Variants in HMCN2 observed in about 807,000 individuals in gnomAD.
The protein encoded by HMCN2 is hemicentin-2.
In HMCN2, 325 loss-of-function variants were observed where a neutral mutation model predicts 377.5. The observed-to-expected ratio is 0.86, with a 90% CI of 0.79 to 0.94. The LOEUF (loss-of-function observed/expected upper bound fraction) is 0.94, where lower values mean the gene tolerates loss of function less well. Ranked by LOEUF, HMCN2 falls within the 40% of genes least tolerant of loss-of-function variation. The probability of loss-of-function intolerance (pLI) is 0.00; values close to 1 mark genes in which losing one functional copy is unlikely to be tolerated. For missense variants in HMCN2, 4,543 were observed against 4,725.3 expected (o/e 0.96, Z 1.13); for synonymous variants, 2,007 against 2,046.8 (o/e 0.98, Z 0.53).
chr9:130,382,029 C>A (rs1028940856), intron 54 of HMCN2, among the ~76,000 whole-genome samples, 155 bp from the exon 55 acceptor site: 2 of 152,116 alleles, frequency 1.3e-5, no homozygotes, highest in Non-Finnish European at 2.9e-5. Flanking sequence ...CCACTCCACC[C>A]GTGAGCTGGG....
At chr9:130,340,105 G>A (rs893090238) in intron 23 of HMCN2, among the ~76,000 whole-genome samples, 3 of 152,234 alleles carry the variant, frequency 2.0e-5, no homozygotes, top group Admixed American at 6.5e-5. Context: ...TGCAAAATGC[G>A]GAGGCATGGA....
At chr9:130,318,943 G>A (rs1837706121) in intron 15 of HMCN2, among the ~76,000 whole-genome samples, 1 of 152,218 alleles carries the variant, frequency 6.6e-6, no homozygotes, top group African/African-American at 2.4e-5. Context: ...AGGGGCTGTG[G>A]AAATGGCAGC....
chr9:130,356,074 C>G lies in HMCN2; in HGVS notation c.5256-14C>G. The G allele has an allele frequency of 7.9e-7, 1 of 1,258,750 alleles. No individual in the cohort carries two copies. Among genetic ancestry groups the G allele is most frequent in the South Asian group, 1.3e-5 (1 of 75,304 alleles). The allele number at this position is 1,258,750 out of a possible 1,614,324, so 78.0% of individuals were successfully genotyped here. On this transcript the variant is annotated splice_polypyrimidine_tract_variant and intron_variant, in intron 33 of 97. Transcript: ENST00000683500. ...GGTCTCAGGTTGACACGCCCCCCTC[C>G]CTACTCACCTTAGGTGGCTGCAGAA...
At chr9:130,321,353 G>GTTC (rs1379081437) in intron 18 of HMCN2, among the ~76,000 whole-genome samples, 11 of 152,322 alleles carry the variant, frequency 7.2e-5, no homozygotes, top group African/African-American at 2.6e-4. Flanking sequence ...TTTTCTTGGT[G>GTTC]TTCTTCTGTT....
At chr9:130,424,152 C>CATAT (rs34210773) in intron 87 of HMCN2, among the ~76,000 whole-genome samples, 7 of 135,812 alleles carry the variant, frequency 5.2e-5, no homozygotes, top group Non-Finnish European at 9.3e-5. Context: ...GGCTAATGTC[C>CATAT]ATATATATAT....
At chr9:130,320,038 G>A (rs1378578550) in intron 16 of HMCN2, among the ~76,000 whole-genome samples, 4 of 152,182 alleles carry the variant, frequency 2.6e-5, no homozygotes, top group East Asian at 3.9e-4. Context: ...TTACTACTGC[G>A]CCTACCCTAC....
chr9:130,364,926 C>T (rs1840611145), intron 41 of HMCN2, 37 bp downstream of exon 41: 1 of 984,444 alleles, frequency 1.0e-6, no homozygotes, highest in Non-Finnish European at 1.2e-6. Flanking sequence ...AGGCCTCCAC[C>T]TCGGCCCAAG....
chr9:130,370,696 G>A (rs1316391), intron 45 of HMCN2, among the ~76,000 whole-genome samples: 119,732 of 152,180 alleles, frequency 0.79, 50,231 homozygotes, highest in Non-Finnish European at 0.93. Context: ...ACTTTCACGT[G>A]TTCCTGTTGA....
intron 15 of HMCN2, among the ~76,000 whole-genome samples, chr9:130,318,117 CT>C (rs1272661556): frequency 4.6e-5 from 7 of 152,332 alleles, no homozygotes; most frequent in African/African-American, 1.7e-4. Flanking sequence ...GCTTCGGCGG[CT>C]GCCAGGCCCC....
At chr9:130,412,519 G>C (rs1005491544) in intron 85 of HMCN2, among the ~76,000 whole-genome samples, 3 of 150,412 alleles carry the variant, frequency 2.0e-5, no homozygotes, top group Admixed American at 2.0e-4. Flanking sequence ...AAAAATCTTT[G>C]CCTAATCTAA....
At chr9:130,348,451 G>T in intron 26 of HMCN2, 94 bp from the exon 27 acceptor site, 4 of 1,240,458 alleles carry the variant, frequency 3.2e-6, no homozygotes, top group Non-Finnish European at 4.2e-6. Context: ...TCCAACCCCA[G>T]TGACGAAGGG....
chr9:130,363,907 GAA>G (rs1435292239), intron 40 of HMCN2, among the ~76,000 whole-genome samples: 2 of 53,870 alleles, frequency 3.7e-5, no homozygotes, highest in Non-Finnish European at 5.4e-5. Flanking sequence ...GAGGGAGAGA[GAA>G]AGAAAAAGAA....
In HMCN2 at chr9:130,384,495, C is replaced by A. The variant is rs1363167162; in HGVS notation, c.8953C>A (p.Gln2985Lys). 3.8e-6 allele frequency: 5 copies of A among 1,304,186 alleles called. No individual in the cohort carries two copies. The East Asian group carries it at 2.8e-4, about 72-fold the overall frequency. The allele number at this position is 1,304,186 out of a possible 1,614,324, so 80.8% of individuals were successfully genotyped here. A position where few individuals can be genotyped will look rare whatever the true frequency, so the allele number is the denominator to read the frequency against. Residue 2985 changes from glutamine to lysine, a missense_variant, in exon 58 of 98, where the codon CAG (glutamine) becomes AAG (lysine). Physicochemically the swap from Gln to Lys is moderately conservative, Grantham distance 53. Transcript: ENST00000683500. ...NPEVTWYKDS[Q>K]ALSLGEEVFL... ...CGAGGTCACGTGGTACAAGGACAGCCAGGCCCTCTCCCTGGGTGAAGAGGT... is the reference window on the plus strand; with the variant it reads ...CGAGGTCACGTGGTACAAGGACAGCAAGGCCCTCTCCCTGGGTGAAGAGGT...
At chr9:130,377,088 C>T (rs1170495391) in intron 52 of HMCN2, among the ~76,000 whole-genome samples, 3 of 151,742 alleles carry the variant, frequency 2.0e-5, no homozygotes, top group Non-Finnish European at 2.9e-5. Flanking sequence ...CATGAGCCAC[C>T]GCACCCAGCC....
At chr9:130,387,230 G>A (rs900858081) in intron 61 of HMCN2, among the ~76,000 whole-genome samples, 1 of 152,228 alleles carries the variant, frequency 6.6e-6, no homozygotes, top group African/African-American at 2.4e-5. Context: ...AGATTTTCTG[G>A]TGCTCAGATG....
chr9:130,351,457 C>T lies in HMCN2; in HGVS notation c.4465C>T (p.Gln1489Ter), dbSNP rs1339233721. 7.7e-7 allele frequency: 1 copy of T among 1,304,140 alleles called. No homozygotes were observed. The highest frequency in any genetic ancestry group is 1.5e-5 in the African/African-American group (1 of 65,876). The allele number at this position is 1,304,140 out of a possible 1,614,324, so 80.8% of individuals were successfully genotyped here. A position where few individuals can be genotyped will look rare whatever the true frequency, so the allele number is the denominator to read the frequency against. Residue 1489 changes from glutamine (Q) to a stop codon, truncating the protein, a stop_gained, in exon 30 of 98, where the codon CAG (glutamine) becomes TAG (stop). Coordinates refer to ENST00000683500, the MANE Select transcript of HMCN2 (RefSeq NM_001291815.2). LOFTEE classifies it high-confidence loss of function. This position sits in a 1 kb window ranked among gnomAD's most constrained non-coding sequence, Gnocchi z 5.4. ...TCCGGGAGGCCCTCACCTGCAGGTC[C>T]AGGAGGATGGCCAGGTTCTCAGGAT... ...VLPGGPHLQVQEDGQVLRITG... is the reference protein window; with the variant it reads ...VLPGGPHLQV
At chr9:130,377,072 T>A (rs892575330) in intron 52 of HMCN2, among the ~76,000 whole-genome samples, 8 of 152,106 alleles carry the variant, frequency 5.3e-5, no homozygotes, top group African/African-American at 1.7e-4. Context: ...GTATTGGGAT[T>A]ACAGGCATGA....
chr9:130,417,257 C>T (rs978309464), intron 85 of HMCN2, among the ~76,000 whole-genome samples: 7 of 151,984 alleles, frequency 4.6e-5, no homozygotes, highest in Admixed American at 4.6e-4. Context: ...CATGGTCGCT[C>T]ATGACTATAA....
chr9:130,422,536 T>C lies in HMCN2; in HGVS notation c.13232-41T>C, dbSNP rs1844078811. On this transcript the variant is annotated intron_variant, in intron 86 of 97. Transcript: ENST00000683500. This position sits in a 1 kb window ranked among gnomAD's most constrained non-coding sequence, Gnocchi z 4.2. ...CCTGCTTGTGCTGTGGGCCCCGGGGTGGATAGTCAGTGGCACTGTCATTCT... is the reference window on the plus strand; with the variant it reads ...CCTGCTTGTGCTGTGGGCCCCGGGGCGGATAGTCAGTGGCACTGTCATTCT... The C allele has an allele frequency of 3.9e-6, 5 of 1,287,552 alleles. No individual in the cohort carries two copies. In the East Asian group the frequency reaches 1.6e-4, roughly 40 times the overall value. The allele number at this position is 1,287,552 out of a possible 1,614,324, so 79.8% of individuals were successfully genotyped here.
Sources: allele counts gnomAD v4.1 joint callset (sites outside exome capture counted in the v4.1 genomes callset), GRCh38; gene constraint gnomAD v4.1.1; non-coding constraint Gnocchi (gnomAD v3.1); transcripts MANE v1.5; gene names NCBI Gene and HGNC (gene_info 2026-07-23, HGNC 2026-07-21).